Variants in CSMD3 observed in about 807,000 individuals in gnomAD.
The protein encoded by CSMD3 is CUB and Sushi multiple domains 3.
In CSMD3, 177 loss-of-function variants were observed where a neutral mutation model predicts 435.2. The observed-to-expected ratio is 0.41, with a 90% CI of 0.36 to 0.46. The LOEUF (loss-of-function observed/expected upper bound fraction) is 0.46, where lower values mean the gene tolerates loss of function less well. Among genes scored for constraint, CSMD3 ranks in the 20% least tolerant of loss-of-function variants. CSMD3 has a pLI of 0.34. For missense variants in CSMD3, 4,265 were observed against 4,504.6 expected, an observed-to-expected ratio of 0.95 and a Z score of 1.52; for synonymous variants, 1,656 against 1,520.5, an observed-to-expected ratio of 1.09 and a Z score of -2.07.
intron 11 of CSMD3, among the ~76,000 whole-genome samples, chr8:112,853,094 G>T (rs2080540915): frequency 6.6e-6 from 1 of 152,114 alleles, no homozygotes; most frequent in African/African-American, 2.4e-5. Context: ...TTCCTGGGTT[G>T]GGAATGGGCA....
rs564675119 is a variant in CSMD3, at chr8:112,382,641, A to G, written c.6031+926T>C. On this transcript the variant is annotated intron_variant, in intron 37 of 70. Coordinates refer to ENST00000297405, the MANE Select transcript of CSMD3 (RefSeq NM_198123.2). ...TTAACAAAGTAAAACTTTTTATTTT[A>G]ACTTCTATATGTCAAAAGAAGCTTT... 5.3e-5 allele frequency among the ~76,000 whole-genome samples: 8 copies of G among 152,344 alleles called. No homozygotes were observed. In the East Asian group the frequency reaches 1.5e-3, roughly 29 times the overall value.
intron 1 of CSMD3, among the ~76,000 whole-genome samples, chr8:113,423,377 A>G (rs561921780): frequency 2.0e-5 from 3 of 152,008 alleles, no homozygotes; most frequent in Non-Finnish European, 2.9e-5. Flanking sequence ...CTTTTGTGCT[A>G]ACAGTAAACA....
intron 1 of CSMD3, among the ~76,000 whole-genome samples, chr8:113,388,613 CT>C (rs1563772622): frequency 6.6e-6 from 1 of 151,414 alleles, no homozygotes; most frequent in Non-Finnish European, 1.5e-5. Flanking sequence ...TTATATTGAA[CT>C]GAATATTTGT....
rs1325825637 is a variant in CSMD3 at position 112,255,564 on chromosome 8, A to T, written c.9863-137T>A. The stretch of plus-strand genomic sequence containing the variant: ...TCATGATAAAGCTATCCCAATGAAA[A>T]AATTTATTTTTTAGCTTATGTGCAG... On this transcript the variant is annotated intron_variant, in intron 61 of 70. Coordinates refer to ENST00000297405, the MANE Select transcript of CSMD3 (RefSeq NM_198123.2). 5.1e-6 allele frequency: 4 copies of T among 782,906 alleles called. No homozygotes were observed. In the East Asian group the frequency reaches 1.1e-4, roughly 21 times the overall value. The allele number at this position is 782,906 out of a possible 1,614,324, so 48.5% of individuals were successfully genotyped here.
At chr8:112,773,702 C>T (rs2078177393) in intron 13 of CSMD3, among the ~76,000 whole-genome samples, 1 of 151,860 alleles carries the variant, frequency 6.6e-6, no homozygotes, top group South Asian at 2.1e-4. Context: ...TTTTTTAGAG[C>T]TTTATTCAAC....
At chr8:112,832,661 A>C (rs1378095324) in intron 11 of CSMD3, among the ~76,000 whole-genome samples, 2 of 152,134 alleles carry the variant, frequency 1.3e-5, no homozygotes, top group Non-Finnish European at 2.9e-5. Flanking sequence ...GCTTGGAAGA[A>C]GCCCTACAGT....
At chr8:113,119,456 C>G (rs549234822) in intron 4 of CSMD3, among the ~76,000 whole-genome samples, 1 of 152,064 alleles carries the variant, frequency 6.6e-6, no homozygotes, top group Non-Finnish European at 1.5e-5. Flanking sequence ...TCAAAAAAAG[C>G]CATCTAAGAG....
At chr8:112,684,431 T>C (rs913297196) in intron 15 of CSMD3, among the ~76,000 whole-genome samples, 1 of 152,084 alleles carries the variant, frequency 6.6e-6, no homozygotes, top group Non-Finnish European at 1.5e-5. Flanking sequence ...TGTGAAATTC[T>C]TTTTATAAAG....
Position 112,976,101 on chromosome 8 carries a change from G to C in CSMD3, c.1078C>G (p.His360Asp), listed in dbSNP as rs2130935349. The stretch of plus-strand genomic sequence containing the variant: ...ATAGCACCAGTGGTAGTCCTGTTAT[G>C]CTCCTCTAACTCACCAGTGGAGGTA... The part of the protein sequence containing the change: ...HTTSTGELEE[H>D]NRTTTGAIAV... The change falls in exon 7 of 71, where the codon CAT becomes GAT. Residue 360 changes from histidine (H) to aspartate (D), a missense_variant. This residue lies in a region of CSMD3 where 731 missense variants were observed against 755.4 expected (regional missense o/e 0.97). Transcript: ENST00000297405. 3 of 1,614,018 alleles carry C rather than the reference G, an allele frequency of 1.9e-6. No individual in the cohort carries two copies. The highest frequency in any genetic ancestry group is 2.5e-6 in the Non-Finnish European group (3 of 1,179,936).
At chr8:112,297,021 C>T (rs905376655) in intron 53 of CSMD3, among the ~76,000 whole-genome samples, 24 of 151,060 alleles carry the variant, frequency 1.6e-4, no homozygotes, top group South Asian at 6.2e-4. Flanking sequence ...TATAACTCGC[C>T]CCAAAACTAA....
chr8:112,522,525 G>T (rs1158372417), intron 27 of CSMD3, among the ~76,000 whole-genome samples: 3 of 151,720 alleles, frequency 2.0e-5, no homozygotes, highest in Non-Finnish European at 1.5e-5. Context: ...ATCAGTACAA[G>T]AATTTGAAGA....
In CSMD3 at chr8:112,472,637, A is replaced by C; in HGVS notation, c.5349T>G (p.Ser1783Arg). The C allele has an allele frequency of 6.2e-7, 1 of 1,610,928 alleles. No homozygotes were observed. The highest frequency in any genetic ancestry group is 8.5e-7 in the Non-Finnish European group (1 of 1,177,300). Residue 1783 changes from serine to arginine, a missense_variant, in exon 32 of 71, where the codon AGT becomes AGG. By Grantham distance (110) the Ser-to-Arg change is moderately radical. This residue lies in a region of CSMD3 where 3,255 missense variants were observed against 3,380.2 expected (regional missense o/e 0.96). Coordinates refer to ENST00000297405, the MANE Select transcript of CSMD3 (RefSeq NM_198123.2). ...TAGAATAAACACAATTATGTCCCAC[A>C]CTGTAATTTTTTGGATAGTTTGGTG... is the stretch of plus-strand genomic sequence containing the variant. ...VLSPNYPKNY[S>R]VGHNCVYSIA...
chr8:112,302,923 GA>G (rs565748125), intron 52 of CSMD3, among the ~76,000 whole-genome samples: 6 of 150,936 alleles, frequency 4.0e-5, no homozygotes, highest in South Asian at 4.2e-4. Flanking sequence ...TGGAGGACCA[GA>G]AAAAAAATAC....
At chr8:113,031,348 T>C (rs1274195329) in intron 5 of CSMD3, among the ~76,000 whole-genome samples, 1 of 151,578 alleles carries the variant, frequency 6.6e-6, no homozygotes, top group East Asian at 1.9e-4. Context: ...ACACAACAAC[T>C]TGCATAAATC....
At chr8:113,435,304 G>A (rs1327840615) in intron 1 of CSMD3, among the ~76,000 whole-genome samples, 8 of 152,144 alleles carry the variant, frequency 5.3e-5, no homozygotes, top group Admixed American at 5.2e-4. Context: ...AGACCGGGGC[G>A]ACTGACTTCC....
At position 113,411,779 on chromosome 8, in the gene CSMD3, C is replaced by T. The variant is rs182210907; in HGVS notation, c.178+24898G>A. On this transcript the variant is annotated intron_variant, in intron 1 of 70. Transcript: ENST00000297405. ...GGTTGCTGAACTAATTCTTCATTGG[C>T]AATGGGAATATGCTACCTACAGTTT... 1.9e-4 allele frequency among the ~76,000 whole-genome samples: 29 copies of T among 152,190 alleles called. 1 individual carries two copies. In the East Asian group the frequency reaches 5.4e-3, roughly 28 times the overall value.
chr8:112,690,601 C>CA (rs755937336), intron 13 of CSMD3, among the ~76,000 whole-genome samples: 1,740 of 134,144 alleles, frequency 0.013, 7 homozygotes, highest in South Asian at 0.024. Flanking sequence ...CCCCCCCCAA[C>CA]AAAAAAAAAA....
At chr8:112,247,203 T>A in intron 63 of CSMD3, 72 bp from the exon 64 acceptor site, 6 of 884,670 alleles carry the variant, frequency 6.8e-6, no homozygotes, top group Non-Finnish European at 3.8e-6. Flanking sequence ...AGAGCTTGAG[T>A]GAGAAAATGT....
At chr8:112,336,176 C>T (rs1292593202) in intron 44 of CSMD3, among the ~76,000 whole-genome samples, 1 of 152,104 alleles carries the variant, frequency 6.6e-6, no homozygotes, top group Non-Finnish European at 1.5e-5. Flanking sequence ...TCCCAAAGTG[C>T]TGGGATTGCA....
Sources: gnomAD v4.1 joint callset for allele counts (sites outside exome capture counted in the v4.1 genomes callset) on GRCh38, gnomAD v4.1.1 for gene constraint, gnomAD v4.1.1 regional missense constraint, MANE v1.5 for transcripts, NCBI Gene and HGNC (gene_info 2026-07-23, HGNC 2026-07-21) for gene names.